IMPA1: variants seen among roughly 807,000 people sequenced by gnomAD.
IMPA1 encodes inositol monophosphatase 1.
Under a neutral mutation model 34.9 loss-of-function variants are expected in IMPA1, and 21 were observed. The ratio of observed to expected loss-of-function variants is 0.60; its 90% CI spans 0.43 to 0.87. The LOEUF is 0.87. Among genes scored for constraint, IMPA1 ranks in the 40% least tolerant of loss-of-function variants. The pLI, the probability that IMPA1 is intolerant of heterozygous loss-of-function variation, is 0.00. For missense variants in IMPA1, 299 were observed against 336.4 expected, an observed-to-expected ratio of 0.89 and a Z score of 0.87; for synonymous variants, 95 against 104.4, an observed-to-expected ratio of 0.91 and a Z score of 0.55.
intron 3 of IMPA1, among the ~76,000 whole-genome samples, chr8:81,680,391 AGAG>A (rs1807262925): frequency 2.6e-5 from 4 of 152,184 alleles, no homozygotes; most frequent in African/African-American, 9.7e-5. Context: ...TACTCTGTGA[AGAG>A]GCTACATGGT....
chr8:81,666,875 A>C (rs1806842768), intron 7 of IMPA1, among the ~76,000 whole-genome samples: 2 of 149,282 alleles, frequency 1.3e-5, no homozygotes, highest in Admixed American at 6.7e-5. Flanking sequence ...GTCTCAAAAA[A>C]AAAAAAAAAA....
chr8:81,682,628 C>G (rs887042963), intron 1 of IMPA1, among the ~76,000 whole-genome samples: 2 of 152,010 alleles, frequency 1.3e-5, no homozygotes, highest in African/African-American at 4.8e-5. Context: ...GAATTGTTTC[C>G]AAACTTTTTT....
chr8:81,678,578 C>A (rs761081913), intron 4 of IMPA1: 3 of 167,956 alleles, frequency 1.8e-5, no homozygotes, highest in Non-Finnish European at 1.3e-5. Context: ...TGTAATCCCA[C>A]CTACTTGGCA....
At chr8:81,660,842 T>C (rs1204148196) in intron 7 of IMPA1, among the ~76,000 whole-genome samples, 175 bp from the exon 8 acceptor site, 1 of 152,170 alleles carries the variant, frequency 6.6e-6, no homozygotes, top group East Asian at 1.9e-4. Context: ...CTAATTATCA[T>C]CGTATATTAT....
chr8:81,666,323 A>T (rs1394773541), intron 7 of IMPA1, among the ~76,000 whole-genome samples: 1 of 152,254 alleles, frequency 6.6e-6, no homozygotes, highest in Admixed American at 6.5e-5. Flanking sequence ...GAGAAGGCAC[A>T]TCAAATGAAC....
chr8:81,686,300 T>C lies in IMPA1; in HGVS notation c.-73A>G, dbSNP rs1404245278. 1.0e-6 allele frequency: 1 copy of C among 989,194 alleles called. No homozygotes were observed. Among genetic ancestry groups the C allele is most frequent in the East Asian group, 1.1e-4 (1 of 8,952 alleles). The allele number at this position is 989,194 out of a possible 1,614,324, so 61.3% of individuals were successfully genotyped here. Reference sequence around the variant, plus strand: ...AGCTCTGTGAACGGTGTTACCGCACTCGTCTCTTCCGGAGGTAGAGGGGCT... The same window carrying C: ...AGCTCTGTGAACGGTGTTACCGCACCCGTCTCTTCCGGAGGTAGAGGGGCT... On this transcript the variant is annotated 5_prime_UTR_variant, in exon 1 of 9. Transcript: ENST00000256108.
chr8:81,680,525 A>G (rs1333206026), intron 3 of IMPA1, 125 bp downstream of exon 3: 6 of 703,600 alleles, frequency 8.5e-6, no homozygotes, highest in South Asian at 1.8e-5. Flanking sequence ...AGCCTTGACC[A>G]ACACTTTGAC....
Position 81,686,292 on chromosome 8 carries a change from T to C in IMPA1, c.-65A>G, listed in dbSNP as rs1807524856. The C allele has an allele frequency of 1.0e-6, 1 of 990,892 alleles. No homozygotes were observed. Among genetic ancestry groups the C allele is most frequent in the Non-Finnish European group, 1.2e-6 (1 of 833,196 alleles). The allele number at this position is 990,892 out of a possible 1,614,324, so 61.4% of individuals were successfully genotyped here. A position where few individuals can be genotyped will look rare whatever the true frequency, so the allele number is the denominator to read the frequency against. The stretch of plus-strand genomic sequence containing the variant: ...GTCCGGCTAGCTCTGTGAACGGTGT[T>C]ACCGCACTCGTCTCTTCCGGAGGTA... On this transcript the variant is annotated 5_prime_UTR_variant, in exon 1 of 9. Coordinates refer to ENST00000256108, the MANE Select transcript of IMPA1 (RefSeq NM_005536.4).
intron 2 of IMPA1, 120 bp from the exon 3 acceptor site, chr8:81,680,903 A>G: frequency 4.0e-6 from 3 of 748,664 alleles, no homozygotes; most frequent in Non-Finnish European, 4.2e-6. Flanking sequence ...GACATTCTTA[A>G]AAATGTCTTA....
At chr8:81,684,481 A>G (rs1469145588) in intron 1 of IMPA1, among the ~76,000 whole-genome samples, 1 of 24,292 alleles carries the variant, frequency 4.1e-5, no homozygotes, top group Non-Finnish European at 8.5e-5. Flanking sequence ...GTATCTTTAG[A>G]TACTACAGTA....
At chr8:81,667,685 A>C (rs1428234357) in intron 7 of IMPA1, among the ~76,000 whole-genome samples, 1 of 152,130 alleles carries the variant, frequency 6.6e-6, no homozygotes, top group Non-Finnish European at 1.5e-5. Context: ...CTCTGACCAG[A>C]ATGCTAATAA....
Position 81,658,385 on chromosome 8 carries a change from A to G in IMPA1, c.*966T>C, listed in dbSNP as rs1249883817. Reference sequence around the variant, plus strand: ...AAGTTAATTAAATAAGAAGACTAAGAGAAAAATAAACAGTTCAATATTAAC... The same window carrying G: ...AAGTTAATTAAATAAGAAGACTAAGGGAAAAATAAACAGTTCAATATTAAC... On this transcript the variant is annotated 3_prime_UTR_variant, in exon 9 of 9. Transcript: ENST00000256108. 1.3e-5 allele frequency: 2 copies of G among 152,260 alleles called. No individual in the cohort carries two copies. Among genetic ancestry groups the G allele is most frequent in the African/African-American group, 4.8e-5 (2 of 41,468 alleles). 9.4% of individuals were successfully genotyped at this position (152,260 alleles called of 1,614,324 possible).
At chr8:81,673,337 A>G (rs1244059226) in intron 6 of IMPA1, among the ~76,000 whole-genome samples, 1 of 152,216 alleles carries the variant, frequency 6.6e-6, no homozygotes, top group Non-Finnish European at 1.5e-5. Context: ...AAAGAATATA[A>G]TCATTTGTCT....
chr8:81,664,144 G>A (rs1395698267), intron 7 of IMPA1, among the ~76,000 whole-genome samples: 1 of 152,090 alleles, frequency 6.6e-6, no homozygotes, highest in African/African-American at 2.4e-5. Context: ...TAAAAGTAAG[G>A]ATAAATATTT....
At chr8:81,681,473 T>C (rs1585903881) in intron 2 of IMPA1, 25 bp downstream of exon 2, 2 of 1,298,130 alleles carry the variant, frequency 1.5e-6, no homozygotes, top group Non-Finnish European at 2.2e-6. Flanking sequence ...TAATTGATTA[T>C]AATTGACAAA....
At chr8:81,679,944 G>A (rs565634696) in intron 3 of IMPA1, among the ~76,000 whole-genome samples, 2 of 151,980 alleles carry the variant, frequency 1.3e-5, no homozygotes, top group Non-Finnish European at 2.9e-5. Flanking sequence ...ACACCAGCCT[G>A]ACCAACATGG....
intron 7 of IMPA1, among the ~76,000 whole-genome samples, chr8:81,665,203 T>C (rs1194550173): frequency 6.6e-6 from 1 of 152,082 alleles, no homozygotes; most frequent in Non-Finnish European, 1.5e-5. Flanking sequence ...AAAATGAATA[T>C]CAATCGAATC....
chr8:81,660,534 C>G lies in IMPA1; in HGVS notation c.700G>C (p.Val234Leu). The G allele has an allele frequency of 6.2e-7, 1 of 1,613,756 alleles. No individual in the cohort carries two copies. Among genetic ancestry groups the G allele is most frequent in the Non-Finnish European group, 8.5e-7 (1 of 1,179,708 alleles). The change falls in exon 8 of 9, where the codon GTG becomes CTG. Residue 234 changes from valine to leucine, a missense_variant. Coordinates refer to ENST00000256108, the MANE Select transcript of IMPA1 (RefSeq NM_005536.4). Reference sequence around the variant, plus strand: ...ATTTTACCTGTAACATCCATTAGCACGCCACCAGCTTCAGTAACAATAATG... The same window carrying G: ...ATTTTACCTGTAACATCCATTAGCAGGCCACCAGCTTCAGTAACAATAATG... ...AGIIVTEAGGVLMDVTGGPFD... is the reference protein window; with the variant it reads ...AGIIVTEAGGLLMDVTGGPFD...
chr8:81,678,626 G>A (rs2991004), intron 4 of IMPA1: 84,835 of 187,270 alleles, frequency 0.45, 21,199 homozygotes, highest in East Asian at 0.86. Flanking sequence ...CGGGAGGTGG[G>A]GGTTGCAGTG....
Sources: allele counts gnomAD v4.1 joint callset (sites outside exome capture counted in the v4.1 genomes callset), GRCh38; gene constraint gnomAD v4.1.1; transcripts MANE v1.5; gene names NCBI Gene and HGNC (gene_info 2026-07-23, HGNC 2026-07-21).